The following SLC17A8 variants were observed in gnomAD, a reference collection of about 807,000 sequenced individuals.
The protein encoded by SLC17A8 is vesicular glutamate transporter 3.
In SLC17A8, 31 loss-of-function variants were observed where a neutral mutation model predicts 58.0. The ratio of observed to expected loss-of-function variants is 0.53; its 90% CI spans 0.40 to 0.72. SLC17A8 has a LOEUF of 0.72. Among genes scored for constraint, SLC17A8 ranks in the 30% least tolerant of loss-of-function variants. The pLI is 0.00. For synonymous variants in SLC17A8, 228 were observed against 249.0 expected, an observed-to-expected ratio of 0.92 and a Z score of 0.79; for missense variants, 655 against 727.8, an observed-to-expected ratio of 0.90 and a Z score of 1.15.
chr12:100,385,022 C>A (rs1222942567), intron 2 of SLC17A8, among the ~76,000 whole-genome samples: 1 of 152,032 alleles, frequency 6.6e-6, no homozygotes, highest in South Asian at 2.1e-4. Flanking sequence ...TTGGCCCTGA[C>A]TCTGTGACTC....
At chr12:100,375,361 GGA>G (rs1053977806) in intron 1 of SLC17A8, among the ~76,000 whole-genome samples, 8 of 152,052 alleles carry the variant, frequency 5.3e-5, no homozygotes, top group Non-Finnish European at 1.5e-5. Context: ...TACCTGTGTA[GGA>G]GAGAGGGAAG....
intron 2 of SLC17A8, among the ~76,000 whole-genome samples, chr12:100,389,447 G>C (rs921510266): frequency 1.3e-5 from 2 of 152,060 alleles, no homozygotes; most frequent in African/African-American, 4.8e-5. Context: ...CACAAAACTG[G>C]CATCTGAATA....
intron 11 of SLC17A8, among the ~76,000 whole-genome samples, chr12:100,419,331 G>A (rs1344704051): frequency 1.3e-5 from 2 of 152,010 alleles, no homozygotes; most frequent in Admixed American, 6.6e-5. Context: ...TCAGGAGATC[G>A]AGACCATCCT....
At chr12:100,413,776 G>T (rs1194419221) in intron 10 of SLC17A8, among the ~76,000 whole-genome samples, 2 of 152,126 alleles carry the variant, frequency 1.3e-5, no homozygotes, top group Admixed American at 6.5e-5. Context: ...AGGAGTTCAA[G>T]ACCAGCCTGG....
At chr12:100,398,831 C>T (rs60070221) in intron 5 of SLC17A8, among the ~76,000 whole-genome samples, 46 of 152,144 alleles carry the variant, frequency 3.0e-4, no homozygotes, top group Middle Eastern at 3.4e-3. Context: ...ATGCTTTTCT[C>T]GTGGTAGTGA....
chr12:100,409,196 T>C (rs185109804), intron 9 of SLC17A8, among the ~76,000 whole-genome samples: 209 of 145,350 alleles, frequency 1.4e-3, no homozygotes, highest in African/African-American at 5.3e-3. Flanking sequence ...TATGTATGTA[T>C]GTATTTAGAG....
Position 100,420,042 on chromosome 12 carries a change from C to CT in SLC17A8, c.1654dup (p.Ser552PhefsTer5). 1.2e-6 allele frequency: 2 copies of CT among 1,614,098 alleles called. No homozygotes were observed. The highest frequency in any genetic ancestry group is 1.7e-6 in the Non-Finnish European group (2 of 1,180,000). On this transcript the variant is annotated frameshift_variant, in exon 12 of 12. Transcript: ENST00000323346. LOFTEE classifies it low-confidence loss of function (END_TRUNC). ...AAAAGAAGATGTCTTATGGAGCCACCTCCCAGAATTGTGAAGTCCAGAAGA... is the reference window on the plus strand; with the variant it reads ...AAAAGAAGATGTCTTATGGAGCCACCTTCCCAGAATTGTGAAGTCCAGAAGA...
rs180981035 is a variant in SLC17A8 at position 100,421,403 on chromosome 12, G to A, written c.*1244G>A. 7 of 152,172 alleles carry A rather than the reference G, an allele frequency of 4.6e-5. No individual in the cohort carries two copies. Among genetic ancestry groups the A allele is most frequent in the East Asian group, 3.9e-4 (2 of 5,170 alleles). 9.4% of individuals were successfully genotyped at this position (152,172 alleles called of 1,614,324 possible). ...ACAATAATATAGCAGTAGTTATACA[G>A]AGAAATACTACAATGAAAACATTTG... On this transcript the variant is annotated 3_prime_UTR_variant, in exon 12 of 12. Coordinates refer to ENST00000323346, the MANE Select transcript of SLC17A8 (RefSeq NM_139319.3).
At position 100,357,141 on chromosome 12, in the gene SLC17A8, C is replaced by G. The variant is rs1441588536; in HGVS notation, c.-251C>G. On this transcript the variant is annotated 5_prime_UTR_variant, in exon 1 of 12. Transcript: ENST00000323346. ...CAGAGCGTGCAGCTTTTGCAAGGGA[C>G]TGAATTCCCAGCCAGACACCCCTTG... The G allele has an allele frequency of 4.5e-6, 2 of 445,568 alleles. No homozygotes were observed. Among genetic ancestry groups the G allele is most frequent in the African/African-American group, 2.0e-5 (1 of 49,818 alleles). The allele number at this position is 445,568 out of a possible 1,614,324, so 27.6% of individuals were successfully genotyped here. A position where few individuals can be genotyped will look rare whatever the true frequency, so the allele number is the denominator to read the frequency against.
In SLC17A8 at chr12:100,419,854, C is replaced by T. The variant is rs776927386; in HGVS notation, c.1465C>T (p.Leu489=). The stretch of plus-strand genomic sequence containing the variant: ...GCAGAATGTGTTCCTCATAGCTGCC[C>T]TGGTGCATTACAGTGGTGTGATCTT... ...EWQNVFLIAA[L]VHYSGVIFYG... Residue 489 remains leucine, a synonymous_variant, in exon 12 of 12, where the codon CTG becomes TTG. Transcript: ENST00000323346. The T allele has an allele frequency of 2.5e-6, 4 of 1,613,968 alleles. No homozygotes were observed. The highest frequency in any genetic ancestry group is 3.4e-6 in the Non-Finnish European group (4 of 1,180,026).
At chr12:100,404,368 T>G in intron 9 of SLC17A8, 198 bp downstream of exon 9, 1 of 627,650 alleles carries the variant, frequency 1.6e-6, no homozygotes. Flanking sequence ...TTTCCATACA[T>G]CCTTCCACAT....
At chr12:100,376,621 T>A (rs1952596358) in intron 1 of SLC17A8, among the ~76,000 whole-genome samples, 1 of 152,224 alleles carries the variant, frequency 6.6e-6, no homozygotes, top group Non-Finnish European at 1.5e-5. Context: ...AGATTTCCCA[T>A]GTCTCACTGA....
In SLC17A8 at chr12:100,401,764, T is replaced by TG; in HGVS notation, c.677-13_677-12insG. The stretch of plus-strand genomic sequence containing the variant: ...ATGATTGGTCAGATTCCCTCAATCT[T>TG]TTCTTGTTCCAGGTTCCTATGCAGG... On this transcript the variant is annotated splice_polypyrimidine_tract_variant and intron_variant, in intron 5 of 11. Transcript: ENST00000323346. The TG allele has an allele frequency of 6.2e-7, 1 of 1,609,506 alleles. No individual in the cohort carries two copies. Among genetic ancestry groups the TG allele is most frequent in the Non-Finnish European group, 8.5e-7 (1 of 1,175,878 alleles).
At chr12:100,388,762 A>G (rs1952693595) in intron 2 of SLC17A8, among the ~76,000 whole-genome samples, 1 of 152,234 alleles carries the variant, frequency 6.6e-6, no homozygotes, top group South Asian at 2.1e-4. Flanking sequence ...GATAATTAGG[A>G]ACCCTCTTAC....
rs1280697762 is a variant in SLC17A8, at chr12:100,393,365, C to A, written c.474-4C>A. 6.2e-7 allele frequency: 1 copy of A among 1,609,794 alleles called. No individual in the cohort carries two copies. The highest frequency in any genetic ancestry group is 2.2e-5 in the East Asian group (1 of 44,824). Reference sequence around the variant, plus strand: ...CCGAATAACACAATGCTTTGGTCCCCCAGGGTCTTTGGAGCTGCCATCTTC... The same window carrying A: ...CCGAATAACACAATGCTTTGGTCCCACAGGGTCTTTGGAGCTGCCATCTTC... On this transcript the variant is annotated splice_region_variant and splice_polypyrimidine_tract_variant and intron_variant, in intron 3 of 11. Transcript: ENST00000323346.
At chr12:100,388,656 G>C (rs899163763) in intron 2 of SLC17A8, among the ~76,000 whole-genome samples, 1 of 152,214 alleles carries the variant, frequency 6.6e-6, no homozygotes, top group Non-Finnish European at 1.5e-5. Context: ...AGGAAGCACA[G>C]GACGAACGTT....
At chr12:100,412,958 T>C in intron 10 of SLC17A8, 78 bp downstream of exon 10, 1 of 1,134,382 alleles carries the variant, frequency 8.8e-7, no homozygotes, top group South Asian at 1.2e-5. Context: ...AAGGATATTG[T>C]AGCACCTTCT....
chr12:100,363,353 T>C (rs532100550), intron 1 of SLC17A8, among the ~76,000 whole-genome samples: 1 of 152,236 alleles, frequency 6.6e-6, no homozygotes, highest in South Asian at 2.1e-4. Context: ...CACAGCACCA[T>C]ATCATAACTG....
intron 1 of SLC17A8, among the ~76,000 whole-genome samples, chr12:100,361,230 A>T (rs1952482038): frequency 6.6e-6 from 1 of 152,162 alleles, no homozygotes; most frequent in African/African-American, 2.4e-5. Flanking sequence ...GTGCCCTTTC[A>T]ATGGCCTTCA....
Sources: gnomAD v4.1 joint callset for allele counts (sites outside exome capture counted in the v4.1 genomes callset) on GRCh38, gnomAD v4.1.1 for gene constraint, MANE v1.5 for transcripts, NCBI Gene and HGNC (gene_info 2026-07-23, HGNC 2026-07-21) for gene names.